The following NDUFB4 variants were observed in gnomAD, a reference collection of about 807,000 sequenced individuals.
NDUFB4 encodes the protein NADH dehydrogenase [ubiquinone] 1 beta subcomplex subunit 4.
Under a neutral mutation model 14.5 loss-of-function variants are expected in NDUFB4, and 10 were observed. The ratio of observed to expected loss-of-function variants is 0.69; its 90% CI spans 0.43 to 1.17. The LOEUF is 1.17. Ranked by LOEUF, NDUFB4 falls within the 50% of genes most tolerant of loss-of-function variation. The pLI is 0.00. For synonymous variants in NDUFB4, 65 were observed against 63.4 expected, an observed-to-expected ratio of 1.03 and a Z score of -0.12; for missense variants, 165 against 161.1, an observed-to-expected ratio of 1.02 and a Z score of -0.13.
chr3:120,601,122 C>T lies in NDUFB4; in HGVS notation c.192C>T (p.Ala64=). ...PNRRGLIENP[A]LLRWAYARTI... The stretch of plus-strand genomic sequence containing the variant: ...TTCATTAATTTTAGGAAAATCCTGC[C>T]TTGCTTCGTTGGGCCTATGCAAGAA... The change falls in exon 2 of 3, where the codon GCC becomes GCT. Residue 64 remains alanine, a synonymous_variant. Transcript: ENST00000184266. 1 of 1,607,920 alleles carries T rather than the reference C, an allele frequency of 6.2e-7. No homozygotes were observed. Among genetic ancestry groups the T allele is most frequent in the Non-Finnish European group, 8.5e-7 (1 of 1,178,704 alleles).
At chr3:120,600,528 G>A (rs1260671134) in intron 1 of NDUFB4, among the ~76,000 whole-genome samples, 2 of 152,136 alleles carry the variant, frequency 1.3e-5, no homozygotes, top group Non-Finnish European at 2.9e-5. Context: ...AGTGTGAAAT[G>A]TCTGAATTAA....
intron 1 of NDUFB4, among the ~76,000 whole-genome samples, chr3:120,599,496 G>A (rs1280891989): frequency 6.6e-6 from 1 of 152,116 alleles, no homozygotes. Flanking sequence ...AATGGCCATA[G>A]AGTTAGCAGG....
intron 2 of NDUFB4, chr3:120,601,633 CTG>C: frequency 9.6e-7 from 1 of 1,045,406 alleles, no homozygotes; most frequent in Non-Finnish European, 1.1e-6. Context: ...CACAAGCTGC[CTG>C]TGTGGGGAAT....
Position 120,596,364 on chromosome 3 carries a change from C to T in NDUFB4, c.5C>T (p.Ser2Leu), listed in dbSNP as rs929208002. The T allele has an allele frequency of 5.0e-6, 8 of 1,614,080 alleles. No homozygotes were observed. Among genetic ancestry groups the T allele is most frequent in the Non-Finnish European group, 6.8e-6 (8 of 1,179,984 alleles). Reference sequence around the variant, plus strand: ...ATTGTGCCCTGGTTCGCCAAGATGTCGTTCCCAAAGTATAAGCCGTCGAGC... The same window carrying T: ...ATTGTGCCCTGGTTCGCCAAGATGTTGTTCCCAAAGTATAAGCCGTCGAGC... MSFPKYKPSSLR... is the reference protein window; with the variant it reads MLFPKYKPSSLR... Residue 2 changes from serine to leucine, a missense_variant, in exon 1 of 3, where the codon TCG becomes TTG. Coordinates refer to ENST00000184266, the MANE Select transcript of NDUFB4 (RefSeq NM_004547.6).
chr3:120,600,232 A>G (rs1465035181), intron 1 of NDUFB4, among the ~76,000 whole-genome samples: 1 of 149,392 alleles, frequency 6.7e-6, no homozygotes, highest in Non-Finnish European at 1.5e-5. Flanking sequence ...TTTTAGTCCT[A>G]CAAATCATGA....
chr3:120,597,003 C>T (rs1172325653), intron 1 of NDUFB4, among the ~76,000 whole-genome samples: 1 of 143,044 alleles, frequency 7.0e-6, no homozygotes, highest in Non-Finnish European at 1.5e-5. Flanking sequence ...ATATTATATT[C>T]TATATATATG....
At chr3:120,601,592 A>C in intron 2 of NDUFB4, 2 of 1,148,250 alleles carry the variant, frequency 1.7e-6, no homozygotes, top group Non-Finnish European at 2.1e-6. Context: ...AATTAATGTT[A>C]AAACCTATTA....
intron 2 of NDUFB4, chr3:120,601,547 T>C (rs1397979461): frequency 1.0e-5 from 13 of 1,239,604 alleles, no homozygotes; most frequent in Non-Finnish European, 1.3e-5. Flanking sequence ...GTTTCCTGTT[T>C]GCGTGAATTC....
At chr3:120,601,469 C>T (rs1046732799) in intron 2 of NDUFB4, 6 of 1,398,310 alleles carry the variant, frequency 4.3e-6, no homozygotes, top group Admixed American at 6.9e-5. Flanking sequence ...TTTGTTAGTT[C>T]ATTTGTTTTT....
In NDUFB4 at chr3:120,602,371, A is replaced by G; in HGVS notation, c.*101A>G. On this transcript the variant is annotated 3_prime_UTR_variant, in exon 3 of 3. Coordinates refer to ENST00000184266, the MANE Select transcript of NDUFB4 (RefSeq NM_004547.6). Reference sequence around the variant, plus strand: ...TTAGTATTACCTTGATTCAATGTTAAAAACTATTAACACCCTAACAACACA... The same window carrying G: ...TTAGTATTACCTTGATTCAATGTTAGAAACTATTAACACCCTAACAACACA... 1 of 1,164,972 alleles carries G rather than the reference A, an allele frequency of 8.6e-7. No homozygotes were observed. The highest frequency in any genetic ancestry group is 2.3e-5 in the Admixed American group (1 of 43,364). The allele number at this position is 1,164,972 out of a possible 1,614,324, so 72.2% of individuals were successfully genotyped here.
intron 1 of NDUFB4, 88 bp from the exon 2 acceptor site, chr3:120,601,023 C>A: frequency 1.7e-6 from 2 of 1,157,254 alleles, no homozygotes; most frequent in African/African-American, 1.6e-5. Flanking sequence ...CAAAATGCGT[C>A]TGTGCTCCTT....
chr3:120,596,597 AG>A (rs756411700), intron 1 of NDUFB4, 58 bp downstream of exon 1: 15 of 1,566,932 alleles, frequency 9.6e-6, no homozygotes, highest in Non-Finnish European at 1.3e-5. Context: ...AGACCGAGAG[AG>A]ACCACGCAAA....
At chr3:120,597,401 C>CTTTCA (rs1419279822) in intron 1 of NDUFB4, among the ~76,000 whole-genome samples, 1 of 152,086 alleles carries the variant, frequency 6.6e-6, no homozygotes, top group Non-Finnish European at 1.5e-5. Flanking sequence ...AACAGGTGTG[C>CTTTCA]TTTCATTAGG....
At chr3:120,599,399 G>C (rs1437141583) in intron 1 of NDUFB4, among the ~76,000 whole-genome samples, 1 of 152,058 alleles carries the variant, frequency 6.6e-6, no homozygotes, top group Non-Finnish European at 1.5e-5. Flanking sequence ...ATCATCAAGG[G>C]AGTAAATGTA....
chr3:120,598,557 A>G (rs1342911626), intron 1 of NDUFB4, among the ~76,000 whole-genome samples: 1 of 152,194 alleles, frequency 6.6e-6, no homozygotes, highest in East Asian at 1.9e-4. Context: ...GTAAGTGATG[A>G]GAAAAAAAAT....
intron 2 of NDUFB4, chr3:120,601,876 T>C (rs2107472980): frequency 9.5e-7 from 1 of 1,056,502 alleles, no homozygotes; most frequent in Non-Finnish European, 1.1e-6. Flanking sequence ...GTAGTCCACA[T>C]TTTCCCAGAA....
intron 2 of NDUFB4, chr3:120,601,876 T>A: frequency 9.5e-7 from 1 of 1,056,502 alleles, no homozygotes. Flanking sequence ...GTAGTCCACA[T>A]TTTCCCAGAA....
chr3:120,602,078 G>C, intron 2 of NDUFB4, 130 bp from the exon 3 acceptor site: 1 of 1,484,310 alleles, frequency 6.7e-7, no homozygotes. Flanking sequence ...GTTTCATTCT[G>C]TTTGTCAGTT....
intron 1 of NDUFB4, among the ~76,000 whole-genome samples, chr3:120,600,446 G>T (rs1940038998): frequency 1.3e-5 from 2 of 152,002 alleles, no homozygotes; most frequent in African/African-American, 4.8e-5. Context: ...ATATTAAAAT[G>T]GACAATTATT....
Sources: allele counts gnomAD v4.1 joint callset (sites outside exome capture counted in the v4.1 genomes callset), GRCh38; gene constraint gnomAD v4.1.1; transcripts MANE v1.5; gene names NCBI Gene and HGNC (gene_info 2026-07-23, HGNC 2026-07-21).